The following EYS variants were observed in gnomAD, a reference collection of about 807,000 sequenced individuals.
EYS encodes the protein EGF-like photoreceptor maintenance factor, also known as protein eyes shut homolog.
In EYS, 250 loss-of-function variants were observed where a neutral mutation model predicts 282.1. The ratio of observed to expected loss-of-function variants is 0.89; its 90% CI spans 0.80 to 0.98. The LOEUF (loss-of-function observed/expected upper bound fraction) is 0.98. Ranked by LOEUF, EYS falls within the 50% of genes least tolerant of loss-of-function variation. The probability of loss-of-function intolerance (pLI) is 0.00; values close to 1 mark genes in which losing one functional copy is unlikely to be tolerated. For synonymous variants in EYS, 1,355 were observed against 1,282.9 expected, an observed-to-expected ratio of 1.06 and a Z score of -1.20; for missense variants, 4,016 against 3,709.0, an observed-to-expected ratio of 1.08 and a Z score of -2.15.
At chr6:64,848,800 T>C (rs145557328) in intron 19 of EYS, among the ~76,000 whole-genome samples, 2 of 152,114 alleles carry the variant, frequency 1.3e-5, no homozygotes, top group African/African-American at 2.4e-5. Flanking sequence ...ATTCTTCCTA[T>C]GGCAATAACT....
chr6:63,986,168 A>G (rs1484592230), intron 34 of EYS, among the ~76,000 whole-genome samples: 3 of 151,960 alleles, frequency 2.0e-5, no homozygotes, highest in Admixed American at 1.3e-4. Flanking sequence ...AGCATATGAA[A>G]AAAAGCTCAA....
chr6:65,576,150 C>T (rs532196033), intron 2 of EYS, among the ~76,000 whole-genome samples: 1 of 152,040 alleles, frequency 6.6e-6, no homozygotes, highest in South Asian at 2.1e-4. Context: ...GGTCAATAAT[C>T]TTAATGAACA....
intron 31 of EYS, among the ~76,000 whole-genome samples, chr6:64,097,821 A>C (rs1351628573): frequency 6.6e-6 from 1 of 152,218 alleles, no homozygotes; most frequent in African/African-American, 2.4e-5. Context: ...AGAAAATTAT[A>C]ATTAGTAAGT....
intron 35 of EYS, among the ~76,000 whole-genome samples, chr6:63,909,619 A>G (rs1773864184): frequency 6.6e-6 from 1 of 152,244 alleles, no homozygotes; most frequent in African/African-American, 2.4e-5. Flanking sequence ...CAGTGAAATC[A>G]GCAAATGCTA....
At chr6:65,520,859 A>G (rs2127298524) in intron 2 of EYS, among the ~76,000 whole-genome samples, 1 of 152,144 alleles carries the variant, frequency 6.6e-6, no homozygotes, top group East Asian at 1.9e-4. Flanking sequence ...ATTTCATTGG[A>G]CGAAGGGTAG....
chr6:65,526,678 C>T (rs962372295), intron 2 of EYS, among the ~76,000 whole-genome samples: 14 of 152,050 alleles, frequency 9.2e-5, no homozygotes, highest in African/African-American at 2.7e-4. Context: ...TGGTGTCGGG[C>T]GCCTGTAGTC....
chr6:64,623,693 G>T (rs985293177), intron 23 of EYS, among the ~76,000 whole-genome samples: 2 of 152,032 alleles, frequency 1.3e-5, no homozygotes, highest in African/African-American at 4.8e-5. Context: ...AGTTCCTTTT[G>T]GGGGTAAAGA....
At chr6:64,557,733 A>G (rs541551256) in intron 26 of EYS, among the ~76,000 whole-genome samples, 50 of 152,202 alleles carry the variant, frequency 3.3e-4, no homozygotes, top group African/African-American at 1.2e-3. Context: ...GCAGTAATTT[A>G]TTATAGGGGT....
chr6:64,159,935 G>C (rs1775053714), intron 31 of EYS, among the ~76,000 whole-genome samples: 1 of 152,060 alleles, frequency 6.6e-6, no homozygotes, highest in South Asian at 2.1e-4. Context: ...TTGGTATTAA[G>C]TAATTCTGAC....
intron 31 of EYS, among the ~76,000 whole-genome samples, chr6:64,131,003 G>A (rs556495325): frequency 6.6e-6 from 1 of 152,260 alleles, no homozygotes; most frequent in South Asian, 2.1e-4. Flanking sequence ...GAGTAGCTGG[G>A]ATTATAGGCG....
At chr6:64,156,191 T>C (rs1774916360) in intron 31 of EYS, among the ~76,000 whole-genome samples, 1 of 152,032 alleles carries the variant, frequency 6.6e-6, no homozygotes, top group Admixed American at 6.6e-5. Context: ...ATTTGAATCA[T>C]GGGGGTGGTT....
At chr6:64,088,516 A>T (rs1365839045) in intron 31 of EYS, among the ~76,000 whole-genome samples, 1 of 152,020 alleles carries the variant, frequency 6.6e-6, no homozygotes, top group Non-Finnish European at 1.5e-5. Context: ...ATAAATCAAG[A>T]TGGAGAATCT....
At chr6:65,535,605 C>T (rs1401706771) in intron 2 of EYS, among the ~76,000 whole-genome samples, 1 of 152,040 alleles carries the variant, frequency 6.6e-6, no homozygotes, top group Non-Finnish European at 1.5e-5. Context: ...TGAGAACAGA[C>T]TAACATAGAG....
At chr6:65,403,598 A>G (rs1013354971) in intron 6 of EYS, among the ~76,000 whole-genome samples, 2 of 152,036 alleles carry the variant, frequency 1.3e-5, no homozygotes, top group South Asian at 2.1e-4. Flanking sequence ...AACCTCATAC[A>G]TGGTAGCAGT....
chr6:64,080,050 G>A (rs1034913885), intron 32 of EYS, among the ~76,000 whole-genome samples: 1 of 152,182 alleles, frequency 6.6e-6, no homozygotes, highest in African/African-American at 2.4e-5. Flanking sequence ...TGTCTTTATA[G>A]CAGCATGATT....
In EYS at chr6:63,726,609, G is replaced by T. The variant is rs1299355731; in HGVS notation, c.8143C>A (p.Arg2715=). The stretch of plus-strand genomic sequence containing the variant: ...TGCAATTGAATATGTGTCTTTTTTC[G>T]AACATGAAAGGAAGCAAAAGACATC... ...SWMSFASFHV[R]KKTHIQLQFQ... is the part of the protein sequence containing the mutation. The change falls in exon 42 of 43, where the codon CGA becomes AGA. Residue 2715 remains arginine, a synonymous_variant. Transcript: ENST00000503581. The T allele has an allele frequency of 6.4e-7, 1 of 1,550,822 alleles. No individual in the cohort carries two copies. Among genetic ancestry groups the T allele is most frequent in the South Asian group, 1.2e-5 (1 of 84,010 alleles).
At chr6:64,126,451 C>T (rs1284378383) in intron 31 of EYS, among the ~76,000 whole-genome samples, 2 of 152,016 alleles carry the variant, frequency 1.3e-5, no homozygotes, top group East Asian at 3.9e-4. Flanking sequence ...ATTGCAGTTA[C>T]TCCAGTATCA....
chr6:65,091,880 ACT>A (rs894656891), intron 12 of EYS, among the ~76,000 whole-genome samples: 9 of 151,912 alleles, frequency 5.9e-5, no homozygotes, highest in Admixed American at 3.9e-4. Context: ...TGCACTGCTG[ACT>A]CTGTAGGAGA....
intron 30 of EYS, among the ~76,000 whole-genome samples, chr6:64,241,821 G>C (rs772776301): frequency 1.2e-4 from 19 of 152,150 alleles, no homozygotes; most frequent in Middle Eastern, 3.4e-3. Context: ...GCTTTCTCTT[G>C]TAGGCATTTA....
Sources: gnomAD v4.1 joint callset for allele counts (sites outside exome capture counted in the v4.1 genomes callset) on GRCh38, gnomAD v4.1.1 for gene constraint, MANE v1.5 for transcripts, NCBI Gene and HGNC (gene_info 2026-07-23, HGNC 2026-07-21) for gene names.